The following VSTM2A variants were observed in gnomAD, a reference collection of about 807,000 sequenced individuals.
The protein encoded by VSTM2A is V-set and transmembrane domain-containing protein 2A.
VSTM2A carries 13 observed loss-of-function variants against 27.3 expected under a neutral mutation model. The observed-to-expected ratio is 0.48, with a 90% CI of 0.31 to 0.76. The LOEUF (loss-of-function observed/expected upper bound fraction) is 0.76. VSTM2A is among the 30% of genes least tolerant of loss of function. VSTM2A has a pLI of 0.05. For synonymous variants in VSTM2A, 142 were observed against 125.7 expected, an observed-to-expected ratio of 1.13 and a Z score of -0.87; for missense variants, 280 against 310.0, an observed-to-expected ratio of 0.90 and a Z score of 0.73.
In VSTM2A at chr7:54,542,750, T is replaced by C. The variant is rs752749088; in HGVS notation, c.20T>C (p.Val7Ala). The change falls in exon 1 of 5, where the codon GTG becomes GCG. Residue 7 changes from valine (V) to alanine (A), a missense_variant. By Grantham distance (64) the Val-to-Ala change is moderately conservative. Coordinates refer to ENST00000402613, the MANE Select transcript of VSTM2A (RefSeq NM_001301009.2). MMGIFL[V>A]YVGFVFFSVL... ...TTTGGAATGATGGGGATCTTTTTGG[T>C]GTATGTTGGATTTGTTTTCTTTTCC... 6 of 1,613,706 alleles carry C rather than the reference T, an allele frequency of 3.7e-6. No individual in the cohort carries two copies. The South Asian group carries it at 5.5e-5, about 15-fold the overall frequency.
Position 54,550,127 on chromosome 7 carries a change from C to T in VSTM2A, c.591C>T (p.Ser197=), listed in dbSNP as rs1487087098. ...ACCAACGAACGCACTCCACCTCCAG[C>T]CCTCAAGTGGTAGCCAAAATCCCCA... is the stretch of plus-strand genomic sequence containing the variant. The part of the protein sequence containing the change: ...SANQRTHSTS[S]PQVVAKIPKQ... Residue 197 remains serine (S), a synonymous_variant, in exon 4 of 5, where the codon AGC becomes AGT. Transcript: ENST00000402613. 1.2e-6 allele frequency: 2 copies of T among 1,606,576 alleles called. No homozygotes were observed. Among genetic ancestry groups the T allele is most frequent in the Non-Finnish European group, 1.7e-6 (2 of 1,176,642 alleles).
rs1788405023 is a variant in VSTM2A at position 54,557,460 on chromosome 7, A to G, written c.634+7290A>G. On this transcript the variant is annotated intron_variant, in intron 4 of 4. Coordinates refer to ENST00000402613, the MANE Select transcript of VSTM2A (RefSeq NM_001301009.2). Reference sequence around the variant, plus strand: ...GCAATTCTCCTGCCTCAGCCTCCTGAGTAGCTTGGATTACAGGTGCGCACC... The same window carrying G: ...GCAATTCTCCTGCCTCAGCCTCCTGGGTAGCTTGGATTACAGGTGCGCACC... Among the ~76,000 whole-genome samples, 3 of 151,702 alleles carry G rather than the reference A, an allele frequency of 2.0e-5. No individual in the cohort carries two copies. The South Asian group carries it at 6.2e-4, about 32-fold the overall frequency.
chr7:54,546,446 C>CAGGCGGGATGGT (rs1297797144), intron 2 of VSTM2A, among the ~76,000 whole-genome samples: 12 of 151,808 alleles, frequency 7.9e-5, no homozygotes, highest in South Asian at 4.2e-4. Flanking sequence ...GGCGGGACGG[C>CAGGCGGGATGGT]AGGCGGGATG....
chr7:54,571,022 C>T lies in VSTM2A; in HGVS notation c.*1803C>T, dbSNP rs540869435. 1.4e-4 allele frequency: 21 copies of T among 152,292 alleles called. No individual in the cohort carries two copies. The highest frequency in any genetic ancestry group is 4.1e-4 in the South Asian group (2 of 4,826). The allele number at this position is 152,292 out of a possible 1,614,324, so 9.4% of individuals were successfully genotyped here. On this transcript the variant is annotated 3_prime_UTR_variant, in exon 5 of 5. Coordinates refer to ENST00000402613, the MANE Select transcript of VSTM2A (RefSeq NM_001301009.2). ...CACTTTTCTCATTCATTTGGTTTATCATTTCAGTTTAATGAGAAAAATTAA... is the reference window on the plus strand; with the variant it reads ...CACTTTTCTCATTCATTTGGTTTATTATTTCAGTTTAATGAGAAAAATTAA...
intron 4 of VSTM2A, among the ~76,000 whole-genome samples, chr7:54,563,677 T>A (rs1275831301): frequency 6.6e-6 from 1 of 152,126 alleles, no homozygotes; most frequent in Non-Finnish European, 1.5e-5. Flanking sequence ...AGACCTGCGT[T>A]CGTGGGCAAC....
chr7:54,549,186 C>G (rs1326564511), intron 3 of VSTM2A, among the ~76,000 whole-genome samples: 1 of 152,024 alleles, frequency 6.6e-6, no homozygotes, highest in Non-Finnish European at 1.5e-5. Context: ...AGTATAAAGT[C>G]CCTATAATGG....
Position 54,567,167 on chromosome 7 carries a change from TTACTA to T in VSTM2A, c.635-1961_635-1957del, listed in dbSNP as rs1400628962. ...TGACAATACAGATTTGCTTTAGAATTTACTATATAGGAAAAAATCTTTGTAATTTT... is the reference window on the plus strand; with the variant it reads ...TGACAATACAGATTTGCTTTAGAATTTATAGGAAAAAATCTTTGTAATTTT... On this transcript the variant is annotated intron_variant, in intron 4 of 4. Transcript: ENST00000402613. Among the ~76,000 whole-genome samples the T allele has an allele frequency of 3.3e-5, 5 of 152,290 alleles. No homozygotes were observed. In the East Asian group the frequency reaches 5.8e-4, roughly 18 times the overall value.
intron 4 of VSTM2A, among the ~76,000 whole-genome samples, chr7:54,565,322 G>A (rs1788687438): frequency 6.6e-6 from 1 of 152,186 alleles, no homozygotes; most frequent in Non-Finnish European, 1.5e-5. Flanking sequence ...ATATGATGGA[G>A]GCACAGTGCC....
intron 1 of VSTM2A, among the ~76,000 whole-genome samples, chr7:54,543,579 CAG>C (rs1787852846): frequency 6.7e-6 from 1 of 150,266 alleles, no homozygotes; most frequent in Non-Finnish European, 1.5e-5. Context: ...TGAAAAGAGA[CAG>C]TGTCTCTCTT....
chr7:54,553,935 C>T, intron 4 of VSTM2A: 3 of 1,551,630 alleles, frequency 1.9e-6, no homozygotes, highest in Non-Finnish European at 2.6e-6. Context: ...TTTCTTCTCT[C>T]TGTCTTCACT....
chr7:54,543,036 C>T (rs369183549), intron 1 of VSTM2A, among the ~76,000 whole-genome samples: 6 of 151,986 alleles, frequency 3.9e-5, no homozygotes, highest in African/African-American at 1.5e-4. Flanking sequence ...GTGGGCTCCT[C>T]GGTGAGCACA....
rs1420999034 is a variant in VSTM2A, at chr7:54,570,527, A to G, written c.*1308A>G. 1 of 152,220 alleles carries G rather than the reference A, an allele frequency of 6.6e-6. No individual in the cohort carries two copies. Among genetic ancestry groups the G allele is most frequent in the Non-Finnish European group, 1.5e-5 (1 of 68,030 alleles). 9.4% of individuals were successfully genotyped at this position (152,220 alleles called of 1,614,324 possible). ...AAAATTTGGTTGTTGGCTAAATACA[A>G]TATGCAAAAGATGATGGCAGGTCCC... On this transcript the variant is annotated 3_prime_UTR_variant, in exon 5 of 5. Coordinates refer to ENST00000402613, the MANE Select transcript of VSTM2A (RefSeq NM_001301009.2).
At chr7:54,553,911 C>T (rs1374976199) in intron 4 of VSTM2A, 1 of 1,551,240 alleles carries the variant, frequency 6.4e-7, no homozygotes, top group Admixed American at 2.0e-5. Flanking sequence ...CAGACCACCT[C>T]TACTAGTCCT....
chr7:54,561,087 A>G (rs1263110563), intron 4 of VSTM2A, among the ~76,000 whole-genome samples: 1 of 152,196 alleles, frequency 6.6e-6, no homozygotes, highest in East Asian at 1.9e-4. Context: ...GAAAAATCCT[A>G]CATTTAGGGA....
intron 1 of VSTM2A, among the ~76,000 whole-genome samples, chr7:54,543,062 GGT>G (rs368669951): frequency 1.1e-3 from 161 of 151,804 alleles, no homozygotes; most frequent in African/African-American, 3.7e-3. Context: ...AGGGTCGTGT[GGT>G]GTGTGTGTGT....
intron 4 of VSTM2A, among the ~76,000 whole-genome samples, chr7:54,554,611 T>C (rs1354761375): frequency 6.6e-6 from 1 of 152,180 alleles, no homozygotes; most frequent in Non-Finnish European, 1.5e-5. Flanking sequence ...TATGAAGAAG[T>C]GAGCTGTGCC....
chr7:54,544,818 C>G (rs755758501), intron 2 of VSTM2A, 30 bp downstream of exon 2: 1 of 1,565,672 alleles, frequency 6.4e-7, no homozygotes, highest in South Asian at 1.2e-5. Flanking sequence ...CCGCGTCTCC[C>G]CTTCGCTCGC....
chr7:54,557,002 G>C (rs1788381572), intron 4 of VSTM2A: 1 of 152,210 alleles, frequency 6.6e-6, no homozygotes, highest in Non-Finnish European at 1.5e-5. Context: ...GCAGCTTCCT[G>C]GCTAGATGGC....
At chr7:54,568,365 T>C (rs1445861300) in intron 4 of VSTM2A, among the ~76,000 whole-genome samples, 1 of 152,212 alleles carries the variant, frequency 6.6e-6, no homozygotes, top group Non-Finnish European at 1.5e-5. Flanking sequence ...ATTTTTGTTC[T>C]TTACTAATAA....
Sources: gnomAD v4.1 joint callset for allele counts (sites outside exome capture counted in the v4.1 genomes callset) on GRCh38, gnomAD v4.1.1 for gene constraint, MANE v1.5 for transcripts, NCBI Gene and HGNC (gene_info 2026-07-23, HGNC 2026-07-21) for gene names.